TMPRSS11A: variants seen among roughly 807,000 people sequenced by gnomAD.
The protein encoded by TMPRSS11A is transmembrane protease serine 11A.
TMPRSS11A carries 53 observed loss-of-function variants against 58.9 expected under a neutral mutation model. The ratio of observed to expected loss-of-function variants is 0.90; its 90% CI spans 0.72 to 1.13. The LOEUF is 1.13. Among genes scored for constraint, TMPRSS11A ranks in the 50% most tolerant of loss-of-function variants. TMPRSS11A has a pLI of 0.00. For synonymous variants in TMPRSS11A, 167 were observed against 169.8 expected (o/e 0.98, Z 0.13); for missense variants, 493 against 499.3 (o/e 0.99, Z 0.12).
intron 1 of TMPRSS11A, among the ~76,000 whole-genome samples, chr4:67,952,349 T>C (rs1721182567): frequency 6.6e-6 from 1 of 152,192 alleles, no homozygotes; most frequent in Admixed American, 6.5e-5. Context: ...TTCTTCAGAA[T>C]AGGCTTCCTT....
At chr4:67,938,900 T>C (rs1180810172) in intron 3 of TMPRSS11A, among the ~76,000 whole-genome samples, 3 of 152,028 alleles carry the variant, frequency 2.0e-5, no homozygotes, top group Admixed American at 1.3e-4. Flanking sequence ...GGGCTTTTTT[T>C]TTTTGTACCA....
chr4:67,931,888 G>A (rs1320630731), intron 4 of TMPRSS11A, 105 bp downstream of exon 4: 2 of 684,582 alleles, frequency 2.9e-6, no homozygotes, highest in Non-Finnish European at 5.1e-6. Context: ...AAAAATTCTA[G>A]CCAAAAGCCT....
At position 67,911,255 on chromosome 4, in the gene TMPRSS11A, C is replaced by T. The variant is rs1577847598; in HGVS notation, c.*87G>A. 1 of 1,178,614 alleles carries T rather than the reference C, an allele frequency of 8.5e-7. No individual in the cohort carries two copies. The highest frequency in any genetic ancestry group is 2.1e-4 in the Middle Eastern group (1 of 4,800). The allele number at this position is 1,178,614 out of a possible 1,614,324, so 73.0% of individuals were successfully genotyped here. A position where few individuals can be genotyped will look rare whatever the true frequency, so the allele number is the denominator to read the frequency against. Reference sequence around the variant, plus strand: ...TACTAGATCCAGTAATTTAATATCACTTTGTTGTACTACACCCACTAAATA... The same window carrying T: ...TACTAGATCCAGTAATTTAATATCATTTTGTTGTACTACACCCACTAAATA... On this transcript the variant is annotated 3_prime_UTR_variant, in exon 10 of 10. Transcript: ENST00000508048.
chr4:67,944,384 G>T, intron 3 of TMPRSS11A, 135 bp downstream of exon 3: 1 of 1,003,788 alleles, frequency 1.0e-6, no homozygotes, highest in Non-Finnish European at 1.5e-6. Flanking sequence ...GCAGGTCTGG[G>T]ATGGGGCCTA....
At chr4:67,956,050 A>G (rs1031995665) in intron 1 of TMPRSS11A, among the ~76,000 whole-genome samples, 1 of 152,178 alleles carries the variant, frequency 6.6e-6, no homozygotes, top group Admixed American at 6.5e-5. Flanking sequence ...TGAGAAGTTT[A>G]TAAAACCTCT....
chr4:67,922,523 T>C (rs1720357160), intron 7 of TMPRSS11A, among the ~76,000 whole-genome samples: 2 of 152,196 alleles, frequency 1.3e-5, no homozygotes, highest in African/African-American at 4.8e-5. Flanking sequence ...CACAGTTTCC[T>C]TATTAAAAAC....
intron 1 of TMPRSS11A, among the ~76,000 whole-genome samples, chr4:67,948,658 C>T (rs565852886): frequency 1.3e-5 from 2 of 152,238 alleles, no homozygotes; most frequent in South Asian, 2.1e-4. Context: ...GAACTGGCTG[C>T]GGAAAGGCAG....
At chr4:67,945,049 G>A (rs985892844) in intron 2 of TMPRSS11A, among the ~76,000 whole-genome samples, 2 of 152,156 alleles carry the variant, frequency 1.3e-5, no homozygotes, top group South Asian at 2.1e-4. Context: ...GAGTTGAAAT[G>A]TGTACCATCA....
chr4:67,915,894 T>G (rs1039405654), intron 8 of TMPRSS11A, among the ~76,000 whole-genome samples: 1 of 152,230 alleles, frequency 6.6e-6, no homozygotes, highest in African/African-American at 2.4e-5. Context: ...AGTGCTGTTT[T>G]AACTGTTTGT....
At chr4:67,924,608 T>A (rs1481854543) in intron 5 of TMPRSS11A, among the ~76,000 whole-genome samples, 3 of 152,192 alleles carry the variant, frequency 2.0e-5, no homozygotes, top group Non-Finnish European at 4.4e-5. Flanking sequence ...TTTAATGGAC[T>A]CAGAGTTCCA....
chr4:67,930,229 G>A (rs956399749), intron 4 of TMPRSS11A, among the ~76,000 whole-genome samples, 189 bp from the exon 5 acceptor site: 1 of 152,088 alleles, frequency 6.6e-6, no homozygotes. Context: ...TGTTTTCAGT[G>A]CATTTCCCCC....
At chr4:67,946,393 A>C (rs1721006793) in intron 2 of TMPRSS11A, 57 bp downstream of exon 2, 1 of 1,530,732 alleles carries the variant, frequency 6.5e-7, no homozygotes, top group African/African-American at 1.4e-5. Context: ...CATATATGTA[A>C]ATGGAGCTTT....
chr4:67,946,542 T>C lies in TMPRSS11A; in HGVS notation c.41A>G (p.Asn14Ser), dbSNP rs777934592. ...AACGGCAATCATCCATGGCTTCAGA[T>C]TTCTGCTTCGGGTGCCAAATCCCAC... ...RTVGFGTRSR[N>S]LKPWMIAVLI... Residue 14 changes from asparagine to serine, a missense_variant, in exon 2 of 10, where the codon AAT becomes AGT. Asn to Ser is a conservative substitution (Grantham distance 46). Coordinates refer to ENST00000508048, the MANE Select transcript of TMPRSS11A (RefSeq NM_001114387.2). The C allele has an allele frequency of 2.5e-6, 4 of 1,611,516 alleles. No homozygotes were observed. The Admixed American group carries it at 5.0e-5, about 20-fold the overall frequency.
chr4:67,942,536 C>A (rs1340883339), intron 3 of TMPRSS11A, among the ~76,000 whole-genome samples: 1 of 152,134 alleles, frequency 6.6e-6, no homozygotes, highest in Admixed American at 6.6e-5. Context: ...TTTAAGATAC[C>A]CAGCCTATGG....
chr4:67,923,848 G>A (rs1300149487), intron 6 of TMPRSS11A, among the ~76,000 whole-genome samples: 1 of 151,994 alleles, frequency 6.6e-6, no homozygotes, highest in Non-Finnish European at 1.5e-5. Context: ...TACATTTTAT[G>A]GCATTTTTAA....
rs1300026870 is a variant in TMPRSS11A at position 67,961,701 on chromosome 4, T to C, written c.11+1682A>G. ...CTAATTGTTGTATTTTTAGTAGAGA[T>C]GGGGTTTCACTATCTTGGCCAGGCT... On this transcript the variant is annotated intron_variant, in intron 1 of 9. Transcript: ENST00000508048. Among the ~76,000 whole-genome samples the C allele has an allele frequency of 4.0e-5, 6 of 151,818 alleles. No individual in the cohort carries two copies. In the East Asian group the frequency reaches 1.2e-3, roughly 29 times the overall value.
chr4:67,928,290 C>T (rs987583121), intron 5 of TMPRSS11A, among the ~76,000 whole-genome samples: 5 of 152,206 alleles, frequency 3.3e-5, no homozygotes, highest in Non-Finnish European at 7.4e-5. Flanking sequence ...AGGTGATCCA[C>T]CCGCCTCGGC....
At chr4:67,917,302 A>G (rs1402829310) in intron 8 of TMPRSS11A, among the ~76,000 whole-genome samples, 2 of 151,974 alleles carry the variant, frequency 1.3e-5, no homozygotes, top group East Asian at 1.9e-4. Flanking sequence ...ATATATTTAT[A>G]TATTTTTGTT....
intron 5 of TMPRSS11A, among the ~76,000 whole-genome samples, chr4:67,928,541 G>T (rs1720531599): frequency 6.6e-6 from 1 of 152,180 alleles, no homozygotes; most frequent in South Asian, 2.1e-4. Flanking sequence ...CTATTTATTG[G>T]AAATTACACA....
Sources: gnomAD v4.1 joint callset for allele counts (sites outside exome capture counted in the v4.1 genomes callset) on GRCh38, gnomAD v4.1.1 for gene constraint, MANE v1.5 for transcripts, NCBI Gene and HGNC (gene_info 2026-07-23, HGNC 2026-07-21) for gene names.